The following KALRN variants were observed in gnomAD, a reference collection of about 807,000 sequenced individuals.
KALRN encodes kalirin.
In KALRN, 70 loss-of-function variants were observed where a neutral mutation model predicts 353.7. The observed-to-expected ratio is 0.20, with a 90% CI of 0.16 to 0.24. The LOEUF is 0.24. Ranked by LOEUF, KALRN falls within the 10% of genes least tolerant of loss-of-function variation. The pLI, the probability that KALRN is intolerant of heterozygous loss-of-function variation, is 1.00. For missense variants in KALRN, 2,791 were observed against 3,756.7 expected (o/e 0.74, Z 6.72); for synonymous variants, 1,391 against 1,434.8 (o/e 0.97, Z 0.69).
At chr3:124,159,485 T>C (rs565925257) in intron 1 of KALRN, among the ~76,000 whole-genome samples, 53 of 152,170 alleles carry the variant, frequency 3.5e-4, no homozygotes, top group Admixed American at 8.5e-4. Context: ...TTGCCAAGGC[T>C]GGTCTTGAAC....
chr3:124,308,407 C>T (rs1414902776), intron 6 of KALRN, among the ~76,000 whole-genome samples: 3 of 151,818 alleles, frequency 2.0e-5, no homozygotes, highest in Admixed American at 6.6e-5. Flanking sequence ...CCATAATAGA[C>T]CATATCCTAG....
At chr3:124,714,928 A>C (rs1300376045) in intron 58 of KALRN, among the ~76,000 whole-genome samples, 1 of 151,590 alleles carries the variant, frequency 6.6e-6, no homozygotes, top group Non-Finnish European at 1.5e-5. Context: ...AGGCAGGAGA[A>C]TTGCTTGAAC....
intron 23 of KALRN, among the ~76,000 whole-genome samples, chr3:124,458,880 G>A (rs2059589038): frequency 6.6e-6 from 1 of 152,160 alleles, no homozygotes; most frequent in South Asian, 2.1e-4. Context: ...GTTGCCATGA[G>A]CCAAAATTGC....
At chr3:124,150,496 A>C (rs532948910) in intron 1 of KALRN, among the ~76,000 whole-genome samples, 1 of 152,250 alleles carries the variant, frequency 6.6e-6, no homozygotes, top group South Asian at 2.1e-4. Flanking sequence ...TTAACTCGTC[A>C]TTTACATTAG....
At chr3:124,561,952 G>A (rs939682922) in intron 33 of KALRN, among the ~76,000 whole-genome samples, 1 of 152,190 alleles carries the variant, frequency 6.6e-6, no homozygotes, top group African/African-American at 2.4e-5. Context: ...AAATCCCCAA[G>A]GTGAAAAAGT....
intron 33 of KALRN, chr3:124,505,009 G>A: frequency 3.4e-5 from 16 of 475,552 alleles, no homozygotes; most frequent in South Asian, 2.5e-4. Flanking sequence ...TGGCATGGTT[G>A]GAGGGAGGGG....
At chr3:124,345,238 A>G (rs192720299) in intron 9 of KALRN, among the ~76,000 whole-genome samples, 15 of 152,340 alleles carry the variant, frequency 9.8e-5, no homozygotes, top group Admixed American at 9.2e-4. Context: ...GGGATTGATG[A>G]AAGTTTATGC....
intron 34 of KALRN, among the ~76,000 whole-genome samples, chr3:124,626,797 A>G (rs1234224302): frequency 6.6e-6 from 1 of 152,232 alleles, no homozygotes; most frequent in African/African-American, 2.4e-5. Context: ...TAAAGATGAA[A>G]GGAACACATG....
Position 124,666,995 on chromosome 3 carries a change from A to G in KALRN, c.6532-17A>G, listed in dbSNP as rs201438110. The G allele has an allele frequency of 5.9e-4, 938 of 1,581,934 alleles. 1 individual carries two copies. The highest frequency in any genetic ancestry group is 1.3e-3 in the Middle Eastern group (8 of 5,974). On this transcript the variant is annotated splice_polypyrimidine_tract_variant and intron_variant, in intron 46 of 59. Coordinates refer to ENST00000682506, the MANE Select transcript of KALRN (RefSeq NM_001388419.1). ...AAATCTTTTAAATGTAAAAAGGATC[A>G]ACTCGTTTTCTTCCAGATGAATTAC...
At chr3:124,309,612 A>G (rs2078049441) in intron 6 of KALRN, among the ~76,000 whole-genome samples, 1 of 152,050 alleles carries the variant, frequency 6.6e-6, no homozygotes, top group Non-Finnish European at 1.5e-5. Flanking sequence ...AGAATTACAC[A>G]CCACGACCAA....
chr3:124,157,064 A>T (rs946937305), intron 1 of KALRN, among the ~76,000 whole-genome samples: 3 of 152,234 alleles, frequency 2.0e-5, no homozygotes, highest in Non-Finnish European at 2.9e-5. Context: ...GACTTTCAGA[A>T]CCCAGAGATA....
intron 1 of KALRN, among the ~76,000 whole-genome samples, chr3:124,147,144 T>G (rs559913625): frequency 2.9e-4 from 44 of 152,196 alleles, no homozygotes; most frequent in African/African-American, 9.9e-4. Flanking sequence ...AGCTAGTGAG[T>G]GGTGGGCCTA....
intron 5 of KALRN, among the ~76,000 whole-genome samples, chr3:124,270,632 G>A (rs1055505135): frequency 2.0e-5 from 3 of 151,850 alleles, no homozygotes; most frequent in Non-Finnish European, 4.4e-5. Flanking sequence ...GGGGCTCTTT[G>A]CCCAGTGGCC....
At chr3:124,664,899 G>A (rs1334792101) in intron 45 of KALRN, among the ~76,000 whole-genome samples, 2 of 152,194 alleles carry the variant, frequency 1.3e-5, no homozygotes, top group African/African-American at 2.4e-5. Flanking sequence ...AGATCCTCTG[G>A]CTTTCCCTTT....
chr3:124,148,205 A>C (rs1168250702), intron 1 of KALRN, among the ~76,000 whole-genome samples: 1 of 152,094 alleles, frequency 6.6e-6, no homozygotes, highest in African/African-American at 2.4e-5. Flanking sequence ...TGATTAATGC[A>C]TTTTTTGTTT....
intron 57 of KALRN, among the ~76,000 whole-genome samples, chr3:124,705,037 C>T (rs1388241667): frequency 6.6e-6 from 1 of 152,184 alleles, no homozygotes; most frequent in Non-Finnish European, 1.5e-5. Flanking sequence ...TTCTCTCCTA[C>T]AGCACATCCA....
chr3:124,287,768 A>AAGATAT (rs1560467943), intron 5 of KALRN, among the ~76,000 whole-genome samples: 3 of 71,452 alleles, frequency 4.2e-5, no homozygotes, highest in Admixed American at 1.8e-4. Context: ...AGGGCCTAGG[A>AAGATAT]AGATATATAT....
chr3:124,218,745 G>T (rs1479817777), intron 1 of KALRN, among the ~76,000 whole-genome samples: 1 of 152,206 alleles, frequency 6.6e-6, no homozygotes, highest in Non-Finnish European at 1.5e-5. Context: ...AAGCCTGTGT[G>T]TATTGCAGCT....
At chr3:124,627,574 C>T (rs1348918838) in intron 34 of KALRN, among the ~76,000 whole-genome samples, 2 of 152,206 alleles carry the variant, frequency 1.3e-5, no homozygotes, top group African/African-American at 2.4e-5. Context: ...TCTAGTTCTG[C>T]TGACACGACA....
Sources: allele counts gnomAD v4.1 joint callset (sites outside exome capture counted in the v4.1 genomes callset), GRCh38; gene constraint gnomAD v4.1.1; transcripts MANE v1.5; gene names NCBI Gene and HGNC (gene_info 2026-07-23, HGNC 2026-07-21).